The following CFAP96 variants were observed in gnomAD, a reference collection of about 807,000 sequenced individuals.
CFAP96 encodes cilia and flagella associated protein 96.
chr4:185,444,885 A>G, the CFAP96 span: 2 of 1,333,198 alleles, frequency 1.5e-6, no homozygotes, highest in Admixed American at 2.3e-5. Flanking sequence ...CTACAAAAAT[A>G]TGTATGAACT....
At chr4:185,433,541 T>A in the CFAP96 span, among the ~76,000 whole-genome samples, 10 of 152,110 alleles carry the variant, frequency 6.6e-5, no homozygotes, top group South Asian at 2.1e-4. Flanking sequence ...AAAACTACTT[T>A]GTATAACTTA....
At chr4:185,428,936 T>G in the CFAP96 span, among the ~76,000 whole-genome samples, 3 of 152,210 alleles carry the variant, frequency 2.0e-5, no homozygotes, top group African/African-American at 7.2e-5. Flanking sequence ...GATGCTGAAA[T>G]CATTGTATTT....
At chr4:185,435,697 G>A in the CFAP96 span, among the ~76,000 whole-genome samples, 6 of 152,122 alleles carry the variant, frequency 3.9e-5, no homozygotes, top group African/African-American at 1.4e-4. Flanking sequence ...TGGGTGGATA[G>A]TCAGAAGTAA....
chr4:185,429,061 A>T, the CFAP96 span, among the ~76,000 whole-genome samples: 4 of 152,242 alleles, frequency 2.6e-5, no homozygotes, highest in Non-Finnish European at 5.9e-5. Flanking sequence ...CATTTCCAAC[A>T]GATAAATGGC....
chr4:185,449,145 G>C, the CFAP96 span, among the ~76,000 whole-genome samples: 11 of 152,224 alleles, frequency 7.2e-5, no homozygotes, highest in African/African-American at 2.6e-4. Context: ...GTTTTAAGTT[G>C]ATGAGAAAAT....
the CFAP96 span, chr4:185,429,552 T>C: frequency 9.4e-7 from 1 of 1,060,554 alleles, no homozygotes; most frequent in African/African-American, 1.7e-5. Flanking sequence ...ATAGTGGGTA[T>C]TTTCTATATA....
chr4:185,409,751 T>C, the CFAP96 span, among the ~76,000 whole-genome samples: 4 of 152,198 alleles, frequency 2.6e-5, no homozygotes, highest in African/African-American at 9.7e-5. Flanking sequence ...TTAAGGATCT[T>C]AAGATGGGGA....
the CFAP96 span, among the ~76,000 whole-genome samples, chr4:185,435,799 A>G: frequency 6.6e-6 from 1 of 152,204 alleles, no homozygotes; most frequent in South Asian, 2.1e-4. Flanking sequence ...TAACTGAATT[A>G]ATGAGAATGA....
At chr4:185,439,724 A>T in the CFAP96 span, among the ~76,000 whole-genome samples, 1,014 of 149,788 alleles carry the variant, frequency 6.8e-3, 8 homozygotes, top group African/African-American at 0.023. Context: ...AAAAAATTAT[A>T]GACATGTAAT....
At chr4:185,429,890 T>C in the CFAP96 span, among the ~76,000 whole-genome samples, 1 of 152,130 alleles carries the variant, frequency 6.6e-6, no homozygotes, top group African/African-American at 2.4e-5. Context: ...AGGCTGGTCT[T>C]GAACTCTTGA....
the CFAP96 span, chr4:185,418,807 C>T: frequency 1.3e-6 from 2 of 1,497,050 alleles, no homozygotes; most frequent in Non-Finnish European, 8.9e-7. Flanking sequence ...TTAAGAAAAA[C>T]AAATTTTTCA....
At chr4:185,445,355 A>C in the CFAP96 span, 23 of 756,168 alleles carry the variant, frequency 3.0e-5, no homozygotes, top group African/African-American at 3.5e-4. Context: ...TATCTGCACC[A>C]AACCATTCTG....
chr4:185,410,762 C>A, the CFAP96 span, among the ~76,000 whole-genome samples: 3 of 151,762 alleles, frequency 2.0e-5, no homozygotes, highest in African/African-American at 7.3e-5. Context: ...CTGGCCAATA[C>A]GGTGAAACCC....
At chr4:185,435,275 T>G in the CFAP96 span, among the ~76,000 whole-genome samples, 1 of 152,220 alleles carries the variant, frequency 6.6e-6, no homozygotes. Flanking sequence ...AAGCAATCGG[T>G]GTTGATGTCT....
At chr4:185,443,606 C>T in the CFAP96 span, among the ~76,000 whole-genome samples, 13 of 151,380 alleles carry the variant, frequency 8.6e-5, no homozygotes, top group Non-Finnish European at 1.5e-4. Context: ...GATTCGGCCT[C>T]CCAAAGTGCT....
At chr4:185,415,728 G>A in the CFAP96 span, 1 of 1,609,744 alleles carries the variant, frequency 6.2e-7, no homozygotes, top group Non-Finnish European at 8.5e-7. Flanking sequence ...TGTTTCTTCT[G>A]GAGCAACAGA....
chr4:185,449,444 G>A, the CFAP96 span, among the ~76,000 whole-genome samples: 1 of 151,980 alleles, frequency 6.6e-6, no homozygotes, highest in East Asian at 1.9e-4. Flanking sequence ...TTGCCTAAAA[G>A]CCTAGGAGGT....
the CFAP96 span, chr4:185,436,300 A>G: frequency 1.3e-6 from 2 of 1,551,050 alleles, no homozygotes; most frequent in Non-Finnish European, 1.7e-6. Flanking sequence ...AAATATTACC[A>G]TAGGTAAACA....
At chr4:185,425,565 T>C in the CFAP96 span, among the ~76,000 whole-genome samples, 1 of 152,182 alleles carries the variant, frequency 6.6e-6, no homozygotes, top group African/African-American at 2.4e-5. Flanking sequence ...CTGTCCCAGG[T>C]TAAGCCCTTC....
Sources: allele counts gnomAD v4.1 joint callset (sites outside exome capture counted in the v4.1 genomes callset), GRCh38; gene constraint gnomAD v4.1.1; transcripts MANE v1.5; gene names NCBI Gene and HGNC (gene_info 2026-07-23, HGNC 2026-07-21).